CD247: variants seen among roughly 807,000 people sequenced by gnomAD.
The protein encoded by CD247 is CD247 molecule.
CD247 carries 13 observed loss-of-function variants against 30.0 expected under a neutral mutation model. The observed-to-expected ratio is 0.43, with a 90% CI of 0.28 to 0.69. The LOEUF (loss-of-function observed/expected upper bound fraction) is 0.69, where lower values mean the gene tolerates loss of function less well. CD247 is among the 30% of genes least tolerant of loss of function. The pLI is 0.16. For missense variants in CD247, 193 were observed against 212.6 expected, an observed-to-expected ratio of 0.91 and a Z score of 0.57; for synonymous variants, 72 against 80.0, an observed-to-expected ratio of 0.90 and a Z score of 0.53.
Position 167,468,687 on chromosome 1 carries a change from C to T in CD247, c.59-27920G>A, listed in dbSNP as rs573929671. On this transcript the variant is annotated intron_variant, in intron 1 of 7. Coordinates refer to ENST00000362089, the MANE Select transcript of CD247 (RefSeq NM_198053.3). The stretch of plus-strand genomic sequence containing the variant: ...CCTGGGAAGGGCTGGTATTTCTACC[C>T]TTGATACTTTGCTCCCAGTAAAGGG... 2.2e-4 allele frequency among the ~76,000 whole-genome samples: 33 copies of T among 152,310 alleles called. 1 individual carries two copies. In the South Asian group the frequency reaches 6.6e-3, roughly 31 times the overall value.
intron 1 of CD247, chr1:167,448,482 GC>G: frequency 2.0e-6 from 2 of 985,416 alleles, no homozygotes; most frequent in Non-Finnish European, 2.4e-6. Context: ...GGGCTGAGAG[GC>G]CGGCCTGGGG....
At chr1:167,448,194 C>T (rs372789410) in intron 1 of CD247, 109 of 203,906 alleles carry the variant, frequency 5.3e-4, no homozygotes, top group African/African-American at 2.5e-3. Context: ...TGTGAGTTTT[C>T]TCATTCAGTC....
chr1:167,441,971 C>T (rs952777853), intron 1 of CD247, among the ~76,000 whole-genome samples: 5 of 152,026 alleles, frequency 3.3e-5, no homozygotes, highest in Admixed American at 1.3e-4. Flanking sequence ...ATTAGCTGGG[C>T]GTGGTGGCTG....
At chr1:167,437,635 T>C (rs1651611548) in intron 4 of CD247, among the ~76,000 whole-genome samples, 1 of 152,186 alleles carries the variant, frequency 6.6e-6, no homozygotes, top group East Asian at 1.9e-4. Context: ...CACTCCATGT[T>C]CTCACCTATA....
chr1:167,439,549 C>G (rs1363459413), intron 2 of CD247, 149 bp from the exon 3 acceptor site: 1 of 703,498 alleles, frequency 1.4e-6, no homozygotes, highest in Non-Finnish European at 2.5e-6. Flanking sequence ...TGAGCCCTTG[C>G]AGGGGCCGGG....
intron 1 of CD247, among the ~76,000 whole-genome samples, chr1:167,479,932 C>G (rs1042677717): frequency 1.3e-5 from 2 of 152,062 alleles, no homozygotes; most frequent in Non-Finnish European, 2.9e-5. Flanking sequence ...GACTGCAGAG[C>G]CACATTTTCT....
intron 6 of CD247, 70 bp from the exon 7 acceptor site, chr1:167,433,129 AG>A: frequency 6.6e-7 from 1 of 1,515,702 alleles, no homozygotes; most frequent in South Asian, 1.1e-5. Flanking sequence ...TTTCTGCTCA[AG>A]GGCCCCTCCC....
chr1:167,516,849 C>A (rs1275277403), intron 1 of CD247, among the ~76,000 whole-genome samples: 1 of 152,136 alleles, frequency 6.6e-6, no homozygotes, highest in South Asian at 2.1e-4. Flanking sequence ...CGCTTGGCAG[C>A]CACCGCCACC....
At chr1:167,499,080 G>A (rs1026865788) in intron 1 of CD247, among the ~76,000 whole-genome samples, 7 of 149,428 alleles carry the variant, frequency 4.7e-5, no homozygotes, top group South Asian at 2.1e-4. Context: ...TAATCATCAC[G>A]GAGTGATTGA....
intron 1 of CD247, among the ~76,000 whole-genome samples, chr1:167,498,940 T>G (rs1483506903): frequency 6.6e-6 from 1 of 152,182 alleles, no homozygotes; most frequent in African/African-American, 2.4e-5. Flanking sequence ...CCAAAAGCCA[T>G]GCGCACACGG....
chr1:167,434,194 TC>T, intron 5 of CD247, 118 bp from the exon 6 acceptor site: 1 of 897,574 alleles, frequency 1.1e-6, no homozygotes, highest in Non-Finnish European at 1.9e-6. Flanking sequence ...CAGGGAGGGC[TC>T]CCACAATCAA....
chr1:167,502,799 A>G (rs1654966617), intron 1 of CD247, among the ~76,000 whole-genome samples: 1 of 152,156 alleles, frequency 6.6e-6, no homozygotes, highest in Non-Finnish European at 1.5e-5. Flanking sequence ...GATTGGGATG[A>G]TGCATCTACA....
intron 1 of CD247, among the ~76,000 whole-genome samples, chr1:167,466,469 T>C (rs1312825535): frequency 6.6e-6 from 1 of 152,214 alleles, no homozygotes; most frequent in Non-Finnish European, 1.5e-5. Flanking sequence ...ATTTCCATTT[T>C]GAGATAAGCT....
At chr1:167,455,600 C>G (rs1025984974) in intron 1 of CD247, among the ~76,000 whole-genome samples, 1 of 152,178 alleles carries the variant, frequency 6.6e-6, no homozygotes. Context: ...GGTTTCCTGT[C>G]GAGCGCTGCC....
intron 1 of CD247, chr1:167,459,606 G>T (rs562925904): frequency 1.3e-5 from 2 of 152,280 alleles, no homozygotes; most frequent in East Asian, 3.9e-4. Flanking sequence ...GCCTGCCTTA[G>T]CCTCTCAAAG....
intron 1 of CD247, among the ~76,000 whole-genome samples, chr1:167,455,214 G>A (rs1652581825): frequency 6.6e-6 from 1 of 152,226 alleles, no homozygotes; most frequent in Non-Finnish European, 1.5e-5. Flanking sequence ...TATTTCGCTG[G>A]GATTTTAAAG....
intron 1 of CD247, among the ~76,000 whole-genome samples, chr1:167,449,724 A>G (rs575139590): frequency 6.6e-4 from 100 of 151,962 alleles, no homozygotes; most frequent in African/African-American, 2.4e-3. Flanking sequence ...GGAGTTTGAG[A>G]CCAGCCTGGC....
intron 4 of CD247, among the ~76,000 whole-genome samples, 181 bp downstream of exon 4, chr1:167,438,389 G>C (rs1303517198): frequency 6.6e-6 from 1 of 152,198 alleles, no homozygotes; most frequent in Admixed American, 6.5e-5. Context: ...ATGCAGAATG[G>C]AGCCAAGGAG....
intron 1 of CD247, among the ~76,000 whole-genome samples, chr1:167,482,040 C>T (rs907513461): frequency 1.3e-5 from 2 of 152,186 alleles, no homozygotes; most frequent in African/African-American, 4.8e-5. Context: ...CTTCTGGGGA[C>T]CTTTCTTTTT....
Sources: gnomAD v4.1 joint callset for allele counts (sites outside exome capture counted in the v4.1 genomes callset) on GRCh38, gnomAD v4.1.1 for gene constraint, MANE v1.5 for transcripts, NCBI Gene and HGNC (gene_info 2026-07-23, HGNC 2026-07-21) for gene names.